Variants in FLRT2 observed in about 807,000 individuals in gnomAD.
The protein encoded by FLRT2 is fibronectin leucine rich transmembrane protein 2.
FLRT2 carries 15 observed loss-of-function variants against 40.0 expected under a neutral mutation model. The observed-to-expected ratio is 0.38, with a 90% CI of 0.25 to 0.58. The LOEUF (loss-of-function observed/expected upper bound fraction) is 0.58, where lower values mean the gene tolerates loss of function less well. FLRT2 is among the 20% of genes least tolerant of loss of function. FLRT2 has a pLI of 0.71. For missense variants in FLRT2, 726 were observed against 840.0 expected (o/e 0.86, Z 1.68); for synonymous variants, 380 against 336.8 (o/e 1.13, Z -1.41).
intron 1 of FLRT2, among the ~76,000 whole-genome samples, chr14:85,600,031 CAA>C (rs1379398692): frequency 2.0e-5 from 3 of 152,198 alleles, no homozygotes; most frequent in Admixed American, 6.5e-5. Context: ...AGACTGGAGA[CAA>C]AGAGATGTGA....
At chr14:85,559,631 C>T (rs139851886) in intron 1 of FLRT2, among the ~76,000 whole-genome samples, 1 of 151,820 alleles carries the variant, frequency 6.6e-6, no homozygotes, top group African/African-American at 2.4e-5. Flanking sequence ...TCTATAAAGC[C>T]CCTTCACACT....
intron 1 of FLRT2, among the ~76,000 whole-genome samples, chr14:85,566,006 C>G (rs1273918251): frequency 2.0e-5 from 3 of 152,158 alleles, no homozygotes; most frequent in Non-Finnish European, 1.5e-5. Context: ...CCCCTCCCAC[C>G]CCGATGTTCC....
chr14:85,578,721 A>AG (rs1418955265), intron 1 of FLRT2, among the ~76,000 whole-genome samples: 1 of 152,190 alleles, frequency 6.6e-6, no homozygotes, highest in Non-Finnish European at 1.5e-5. Context: ...ACCTCAACCC[A>AG]GGGGGCATTC....
Position 85,622,812 on chromosome 14 carries a change from A to G in FLRT2, c.1298A>G (p.Asn433Ser), listed in dbSNP as rs1485467867. The change falls in exon 2 of 2, where the codon AAT (asparagine) becomes AGT (serine). Residue 433 changes from asparagine to serine, a missense_variant. Physicochemically the swap from Asn to Ser is conservative, Grantham distance 46. This residue lies in a region of FLRT2 where 611 missense variants were observed against 690.0 expected (regional missense o/e 0.89). Transcript: ENST00000330753. ...ERIQLSIHFV[N>S]DTSIQVSWLS... is the part of the protein sequence containing the mutation. ...ATCCAGCTCTCTATCCATTTTGTGA[A>G]TGATACTTCCATTCAAGTCAGCTGG... 3 of 1,614,050 alleles carry G rather than the reference A, an allele frequency of 1.9e-6. No individual in the cohort carries two copies. The highest frequency in any genetic ancestry group is 1.7e-5 in the Admixed American group (1 of 60,010).
At position 85,644,824 on chromosome 14, in the gene FLRT2, T is replaced by G. The variant is rs1355266840; in HGVS notation, c.*21327T>G. ...CAGGCTGCTGTCTTTGCTACTTGGT[T>G]ACAATGATCCAGCAAATTCAACGGT... On this transcript the variant is annotated 3_prime_UTR_variant, in exon 2 of 2. Coordinates refer to ENST00000330753, the MANE Select transcript of FLRT2 (RefSeq NM_013231.6). 1 of 152,188 alleles carries G rather than the reference T, an allele frequency of 6.6e-6. No homozygotes were observed. Among genetic ancestry groups the G allele is most frequent in the Non-Finnish European group, 1.5e-5 (1 of 68,034 alleles). The allele number at this position is 152,188 out of a possible 1,614,324, so 9.4% of individuals were successfully genotyped here.
At chr14:85,574,125 A>G (rs1012319530) in intron 1 of FLRT2, among the ~76,000 whole-genome samples, 3 of 152,182 alleles carry the variant, frequency 2.0e-5, no homozygotes, top group African/African-American at 7.2e-5. Context: ...TCTGGGCTGC[A>G]CCATTAACCA....
chr14:85,580,420 G>C (rs1891332618), intron 1 of FLRT2, among the ~76,000 whole-genome samples: 1 of 152,154 alleles, frequency 6.6e-6, no homozygotes, highest in African/African-American at 2.4e-5. Flanking sequence ...AAAGAAGTTT[G>C]TGTTCATATA....
Position 85,650,559 on chromosome 14 carries a change from C to A in FLRT2, c.*27062C>A, listed in dbSNP as rs912839204. 2.6e-5 allele frequency: 4 copies of A among 151,958 alleles called. No individual in the cohort carries two copies. The highest frequency in any genetic ancestry group is 9.7e-5 in the African/African-American group (4 of 41,426). 9.4% of individuals were successfully genotyped at this position (151,958 alleles called of 1,614,324 possible). ...TTACTAAATACTGTAAAATTGTTCT[C>A]TGTGTGCCAATTTTCTTTACCACTG... On this transcript the variant is annotated 3_prime_UTR_variant, in exon 2 of 2. Coordinates refer to ENST00000330753, the MANE Select transcript of FLRT2 (RefSeq NM_013231.6).
At chr14:85,617,805 A>T (rs1299667136) in intron 1 of FLRT2, among the ~76,000 whole-genome samples, 1 of 152,156 alleles carries the variant, frequency 6.6e-6, no homozygotes, top group African/African-American at 2.4e-5. Context: ...GAAAGCCCTG[A>T]GAGTTTGTTT....
intron 1 of FLRT2, among the ~76,000 whole-genome samples, chr14:85,539,179 G>A (rs1002888074): frequency 6.6e-6 from 1 of 151,786 alleles, no homozygotes. Context: ...TCTCACAACT[G>A]CCTCTGAATT....
intron 1 of FLRT2, among the ~76,000 whole-genome samples, chr14:85,532,422 G>A (rs1412161087): frequency 1.3e-5 from 2 of 152,196 alleles, no homozygotes; most frequent in African/African-American, 2.4e-5. Context: ...CCTAAATAGA[G>A]ACGTGCACCT....
At position 85,537,198 on chromosome 14, in the gene FLRT2, G is replaced by GT. The variant is rs1243407334; in HGVS notation, c.-377+6668dup. On this transcript the variant is annotated intron_variant, in intron 1 of 1. Transcript: ENST00000330753. ...CCTAATCCAGGTTTGTCTTGTGAGG[G>GT]TTTTCAGATAGAAATTTCAATTTTA... Among the ~76,000 whole-genome samples the GT allele has an allele frequency of 5.9e-5, 9 of 152,200 alleles. No individual in the cohort carries two copies. In the East Asian group the frequency reaches 1.7e-3, roughly 29 times the overall value.
At chr14:85,580,845 AAATCCCTC>A (rs1891356707) in intron 1 of FLRT2, among the ~76,000 whole-genome samples, 1 of 152,290 alleles carries the variant, frequency 6.6e-6, no homozygotes, top group African/African-American at 2.4e-5. Flanking sequence ...GTAAAAAAAG[AAATCCCTC>A]ATTTATCTAG....
Position 85,635,669 on chromosome 14 carries a change from T to C in FLRT2, c.*12172T>C, listed in dbSNP as rs949661071. On this transcript the variant is annotated 3_prime_UTR_variant, in exon 2 of 2. Coordinates refer to ENST00000330753, the MANE Select transcript of FLRT2 (RefSeq NM_013231.6). ...GGAATAGAACAGATTTTAACCCTGA[T>C]CCCTGCCACTTTTATCTGAACCTTG... 1.3e-5 allele frequency: 2 copies of C among 152,054 alleles called. No homozygotes were observed. Among genetic ancestry groups the C allele is most frequent in the Non-Finnish European group, 2.9e-5 (2 of 67,946 alleles). The allele number at this position is 152,054 out of a possible 1,614,324, so 9.4% of individuals were successfully genotyped here. A position where few individuals can be genotyped will look rare whatever the true frequency, so the allele number is the denominator to read the frequency against.
intron 1 of FLRT2, among the ~76,000 whole-genome samples, chr14:85,577,746 C>A (rs61992706): frequency 0.2 from 29,901 of 151,748 alleles, 3,583 homozygotes; most frequent in South Asian, 0.25. Flanking sequence ...AACACTGCAC[C>A]TGGCTAAGGT....
intron 1 of FLRT2, among the ~76,000 whole-genome samples, chr14:85,546,445 CTG>C (rs1378735372): frequency 6.6e-6 from 1 of 152,040 alleles, no homozygotes. Flanking sequence ...CTTGGTGGGG[CTG>C]TTTAGGGAAG....
In FLRT2 at chr14:85,648,214, T is replaced by C. The variant is rs1266126314; in HGVS notation, c.*24717T>C. ...TATGTTAGGCAGGTGCATGTTGTTA[T>C]TGCTACTTTTTTCAAGTCTAAGTTC... On this transcript the variant is annotated 3_prime_UTR_variant, in exon 2 of 2. Transcript: ENST00000330753. 1 of 152,132 alleles carries C rather than the reference T, an allele frequency of 6.6e-6. No individual in the cohort carries two copies. The highest frequency in any genetic ancestry group is 2.4e-5 in the African/African-American group (1 of 41,430). 9.4% of individuals were successfully genotyped at this position (152,132 alleles called of 1,614,324 possible).
chr14:85,627,481 G>GT lies in FLRT2; in HGVS notation c.*3990dup, dbSNP rs1179116712. The GT allele has an allele frequency of 6.0e-6, 1 of 166,868 alleles. No individual in the cohort carries two copies. The highest frequency in any genetic ancestry group is 2.4e-5 in the African/African-American group (1 of 41,360). The allele number at this position is 166,868 out of a possible 1,614,324, so 10.3% of individuals were successfully genotyped here. Reference sequence around the variant, plus strand: ...TAACAAAACAAATTTTTTTACTATAGTTTTTTGTTTTCTACCTGCACACCC... The same window carrying GT: ...TAACAAAACAAATTTTTTTACTATAGTTTTTTTGTTTTCTACCTGCACACCC... On this transcript the variant is annotated 3_prime_UTR_variant, in exon 2 of 2. Coordinates refer to ENST00000330753, the MANE Select transcript of FLRT2 (RefSeq NM_013231.6).
At position 85,640,735 on chromosome 14, in the gene FLRT2, C is replaced by T. The variant is rs917919782; in HGVS notation, c.*17238C>T. ...GAGCATCTCTGCAAAGAGATTTGAG[C>T]CCCTTGAGTAGAACATAGGCCACAT... On this transcript the variant is annotated 3_prime_UTR_variant, in exon 2 of 2. Coordinates refer to ENST00000330753, the MANE Select transcript of FLRT2 (RefSeq NM_013231.6). The T allele has an allele frequency of 2.0e-5, 3 of 152,254 alleles. No homozygotes were observed. Among genetic ancestry groups the T allele is most frequent in the East Asian group, 1.9e-4 (1 of 5,170 alleles). The allele number at this position is 152,254 out of a possible 1,614,324, so 9.4% of individuals were successfully genotyped here.
Sources: allele counts gnomAD v4.1 joint callset (sites outside exome capture counted in the v4.1 genomes callset), GRCh38; gene constraint gnomAD v4.1.1; regional missense constraint gnomAD v4.1.1; transcripts MANE v1.5; gene names NCBI Gene and HGNC (gene_info 2026-07-23, HGNC 2026-07-21).